The following TCF7 variants were observed in gnomAD, a reference collection of about 807,000 sequenced individuals.
TCF7 encodes transcription factor 7, also known as T-cell-factor-7.
TCF7 carries 19 observed loss-of-function variants against 46.8 expected under a neutral mutation model. The ratio of observed to expected loss-of-function variants is 0.41; its 90% confidence interval spans 0.28 to 0.60. The LOEUF (loss-of-function observed/expected upper bound fraction) is 0.60. Among genes scored for constraint, TCF7 ranks in the 20% least tolerant of loss-of-function variants. The pLI is 0.35. For synonymous variants in TCF7, 245 were observed against 213.4 expected (o/e 1.15, Z -1.29); for missense variants, 547 against 504.6 (o/e 1.08, Z -0.81).
At chr5:134,139,306 T>C (rs1759382142) in intron 5 of TCF7, 1 of 484,908 alleles carries the variant, frequency 2.1e-6, no homozygotes, top group Non-Finnish European at 3.7e-6. Context: ...TCTCCCTCAG[T>C]GTCCAAGAGA....
At chr5:134,126,820 C>G (rs926135085) in intron 3 of TCF7, among the ~76,000 whole-genome samples, 1 of 151,886 alleles carries the variant, frequency 6.6e-6, no homozygotes, top group Non-Finnish European at 1.5e-5. Flanking sequence ...TCGCATGAAC[C>G]TGGGAGGCGG....
At chr5:134,117,966 A>G (rs1452586440) in intron 3 of TCF7, among the ~76,000 whole-genome samples, 2 of 152,176 alleles carry the variant, frequency 1.3e-5, no homozygotes, top group African/African-American at 4.8e-5. Context: ...CAGAGGTGTA[A>G]GTTGGAGTGA....
intron 9 of TCF7, chr5:134,145,703 T>C: frequency 1.2e-6 from 2 of 1,611,186 alleles, no homozygotes; most frequent in Non-Finnish European, 1.7e-6. Flanking sequence ...GAAACAACCC[T>C]GTCTTCAGGG....
chr5:134,138,724 C>T, intron 4 of TCF7: 1 of 583,620 alleles, frequency 1.7e-6, no homozygotes, highest in Non-Finnish European at 2.9e-6. Flanking sequence ...TACTGGCCCC[C>T]TAATGTCTTA....
At chr5:134,114,136 T>C (rs244656), upstream of TCF7, among the ~76,000 whole-genome samples, 1 of 152,004 alleles carries the variant, frequency 6.6e-6, no homozygotes, top group Non-Finnish European at 1.5e-5. Context: ...TATACTTATG[T>C]TCGCACTGTA....
At position 134,146,481 on chromosome 5, in the gene TCF7, C is replaced by T; in HGVS notation, c.*178C>T. Reference sequence around the variant, plus strand: ...GCCCCCCGCAGCACCCTGCAGAGCACACAGGTACAGCAACAGGAATCTCAG... The same window carrying T: ...GCCCCCCGCAGCACCCTGCAGAGCATACAGGTACAGCAACAGGAATCTCAG... On this transcript the variant is annotated 3_prime_UTR_variant, in exon 10 of 10. Transcript: ENST00000342854. 1 of 766,570 alleles carries T rather than the reference C, an allele frequency of 1.3e-6. No individual in the cohort carries two copies. Among genetic ancestry groups the T allele is most frequent in the South Asian group, 1.4e-5 (1 of 70,004 alleles). The allele number at this position is 766,570 out of a possible 1,614,324, so 47.5% of individuals were successfully genotyped here. A position where few individuals can be genotyped will look rare whatever the true frequency, so the allele number is the denominator to read the frequency against.
chr5:134,137,445 AAAC>A (rs35625847), intron 3 of TCF7, among the ~76,000 whole-genome samples: 11,909 of 146,508 alleles, frequency 0.081, 684 homozygotes, highest in East Asian at 0.31. Flanking sequence ...AAAAAAAAAA[AAAC>A]AGAGAAAAAA....
intron 3 of TCF7, among the ~76,000 whole-genome samples, chr5:134,132,517 C>T (rs542874909): frequency 5.9e-5 from 9 of 152,354 alleles, no homozygotes; most frequent in Admixed American, 5.2e-4. Flanking sequence ...CTACCCCCCA[C>T]AGGCTTGAGG....
upstream of TCF7, among the ~76,000 whole-genome samples, chr5:134,112,519 C>T (rs765427017): frequency 8.5e-5 from 13 of 152,220 alleles, no homozygotes; most frequent in Non-Finnish European, 1.3e-4. Flanking sequence ...CCTCTGGTTC[C>T]AGCCAGCAGG....
At chr5:134,139,325 G>A (rs1171585974) in intron 5 of TCF7, 3 of 431,776 alleles carry the variant, frequency 6.9e-6, no homozygotes, top group Non-Finnish European at 1.3e-5. Context: ...GATCCCCTTA[G>A]ATGGGAGAAC....
At chr5:134,126,107 G>T (rs1419614870) in intron 3 of TCF7, among the ~76,000 whole-genome samples, 2 of 152,268 alleles carry the variant, frequency 1.3e-5, no homozygotes, top group Non-Finnish European at 1.5e-5. Context: ...GGCTGGCGTG[G>T]TGGCCAGGCA....
chr5:134,138,040 C>A lies in TCF7; in HGVS notation c.442-19C>A. 5.7e-6 allele frequency: 9 copies of A among 1,568,074 alleles called. No homozygotes were observed. The highest frequency in any genetic ancestry group is 7.8e-6 in the Non-Finnish European group (9 of 1,146,804). On this transcript the variant is annotated intron_variant, in intron 3 of 9. Transcript: ENST00000342854. ...CTCAGGACTCGCCACACTCACCCAC[C>A]CTCCTTCTCATTTTTCAGCACAAGG... is the stretch of plus-strand genomic sequence containing the variant.
intron 7 of TCF7, 40 bp downstream of exon 7, chr5:134,142,923 G>A (rs760393742): frequency 3.7e-6 from 6 of 1,611,330 alleles, no homozygotes; most frequent in South Asian, 2.2e-5. Flanking sequence ...GATGCTCCCC[G>A]ACCATCTTCA....
In TCF7 at chr5:134,115,917, G is replaced by A; in HGVS notation, c.325G>A (p.Ala109Thr). ...AGCTGTGGTTTTTCCAGGCCTGAAGGCCCCGGAGTGCACCAGCGGCATGTA... is the reference window on the plus strand; with the variant it reads ...AGCTGTGGTTTTTCCAGGCCTGAAGACCCCGGAGTGCACCAGCGGCATGTA... The part of the protein sequence containing the change: ...LPEPLEDGLK[A>T]PECTSGMYKE... Residue 109 changes from alanine (A) to threonine (T), a missense_variant, in exon 3 of 10, where the codon GCC becomes ACC. Transcript: ENST00000342854. The A allele has an allele frequency of 6.2e-7, 1 of 1,613,964 alleles. No individual in the cohort carries two copies. Among genetic ancestry groups the A allele is most frequent in the Non-Finnish European group, 8.5e-7 (1 of 1,180,008 alleles).
chr5:134,113,805 G>A (rs1238205289), upstream of TCF7, among the ~76,000 whole-genome samples: 1 of 152,252 alleles, frequency 6.6e-6, no homozygotes, highest in East Asian at 1.9e-4. Flanking sequence ...GGGTTAGAGG[G>A]TTAGTCAGGC....
chr5:134,139,364 A>G (rs912528001), intron 5 of TCF7: 10 of 294,084 alleles, frequency 3.4e-5, no homozygotes, highest in Non-Finnish European at 5.8e-5. Flanking sequence ...CTCCAGGGCC[A>G]TATGAGTAAC....
chr5:134,116,829 C>T (rs1012290670), intron 3 of TCF7, among the ~76,000 whole-genome samples: 1 of 152,220 alleles, frequency 6.6e-6, no homozygotes, highest in Non-Finnish European at 1.5e-5. Context: ...AATTCCTATT[C>T]GTGTTTCACA....
upstream of TCF7, among the ~76,000 whole-genome samples, chr5:134,114,481 TAG>T (rs1461330896): frequency 6.6e-6 from 1 of 152,092 alleles, no homozygotes; most frequent in African/African-American, 2.4e-5. Flanking sequence ...GAGTTCCCGT[TAG>T]AGTCTCTGCG....
At chr5:134,145,658 G>T (rs531559309) in intron 9 of TCF7, 12 of 1,429,804 alleles carry the variant, frequency 8.4e-6, no homozygotes, top group Middle Eastern at 3.5e-4. Context: ...GGAGTTTGGG[G>T]TGTGTCTGTG....
Sources: gnomAD v4.1 joint callset for allele counts (sites outside exome capture counted in the v4.1 genomes callset) on GRCh38, gnomAD v4.1.1 for gene constraint, MANE v1.5 for transcripts, NCBI Gene and HGNC (gene_info 2026-07-23, HGNC 2026-07-21) for gene names.